Variants in EHMT1 observed in about 807,000 individuals in gnomAD.
EHMT1 encodes euchromatic histone lysine methyltransferase 1, also known as histone-lysine N-methyltransferase EHMT1.
A neutral mutation model predicts 147.2 loss-of-function variants in EHMT1; 15 were observed. The observed-to-expected ratio is 0.10, with a 90% CI of 0.07 to 0.16. The LOEUF is 0.16. Ranked by LOEUF, EHMT1 falls within the 10% of genes least tolerant of loss-of-function variation. EHMT1 has a pLI of 1.00. For missense variants in EHMT1, 1,587 were observed against 1,772.4 expected (o/e 0.90, Z 1.88); for synonymous variants, 795 against 709.6 (o/e 1.12, Z -1.91).
At chr9:137,820,902 G>A (rs923345551) in intron 25 of EHMT1, among the ~76,000 whole-genome samples, 2 of 152,118 alleles carry the variant, frequency 1.3e-5, no homozygotes, top group Non-Finnish European at 2.9e-5. Flanking sequence ...TTTTGAGACG[G>A]AGTCTCGCTC....
At chr9:137,724,987 G>A (rs1946468725) in intron 3 of EHMT1, among the ~76,000 whole-genome samples, 1 of 151,236 alleles carries the variant, frequency 6.6e-6, no homozygotes, top group African/African-American at 2.4e-5. Flanking sequence ...TGGCAGACGT[G>A]TGGCATTAGT....
intron 22 of EHMT1, 165 bp downstream of exon 22, chr9:137,814,673 A>T: frequency 1.3e-6 from 1 of 764,500 alleles, no homozygotes; most frequent in Non-Finnish European, 2.2e-6. Context: ...GGGCACCAGC[A>T]CCCGAGTCAG....
intron 4 of EHMT1, among the ~76,000 whole-genome samples, chr9:137,741,367 G>A (rs1334863489): frequency 6.7e-6 from 1 of 149,748 alleles, no homozygotes; most frequent in Non-Finnish European, 1.5e-5. Flanking sequence ...CTGTTTCCAG[G>A]GGACAGGTAG....
chr9:137,817,942 C>T, intron 24 of EHMT1, 118 bp from the exon 25 acceptor site: 1 of 974,136 alleles, frequency 1.0e-6, no homozygotes, highest in Non-Finnish European at 1.7e-6. Context: ...AACATGTTCC[C>T]TGCATGTTCT....
intron 8 of EHMT1, among the ~76,000 whole-genome samples, chr9:137,755,338 TG>T (rs1437025961): frequency 6.6e-6 from 1 of 152,122 alleles, no homozygotes; most frequent in Non-Finnish European, 1.5e-5. Context: ...TGGAACTGTG[TG>T]GTTGTTTTTC....
intron 25 of EHMT1, among the ~76,000 whole-genome samples, chr9:137,825,845 T>C (rs931142074): frequency 8.5e-5 from 13 of 152,274 alleles, no homozygotes; most frequent in African/African-American, 3.1e-4. Flanking sequence ...CCGGCGGGGC[T>C]GCCCAGTGTC....
intron 1 of EHMT1, among the ~76,000 whole-genome samples, chr9:137,708,292 A>C (rs1944424020): frequency 6.6e-6 from 1 of 152,196 alleles, no homozygotes; most frequent in Non-Finnish European, 1.5e-5. Flanking sequence ...TCTCCCATAG[A>C]CATGTGGTTG....
At chr9:137,687,703 A>G (rs1039094946) in intron 1 of EHMT1, among the ~76,000 whole-genome samples, 2 of 152,256 alleles carry the variant, frequency 1.3e-5, no homozygotes, top group Admixed American at 6.5e-5. Flanking sequence ...ATGGCAGGCC[A>G]TGAGCCCGGA....
chr9:137,787,853 T>C lies in EHMT1; in HGVS notation c.2383-2995T>C, dbSNP rs535313151. 237 of 1,066,460 alleles carry C rather than the reference T, an allele frequency of 2.2e-4. 3 individuals are homozygous for C. In the South Asian group the frequency reaches 2.7e-3, roughly 12 times the overall value. 66.1% of individuals were successfully genotyped at this position (1,066,460 alleles called of 1,614,324 possible). A position where few individuals can be genotyped will look rare whatever the true frequency, so the allele number is the denominator to read the frequency against. On this transcript the variant is annotated intron_variant, in intron 15 of 26. Transcript: ENST00000460843. This position sits in a 1 kb window ranked among gnomAD's most constrained non-coding sequence, Gnocchi z 4.2. ...AGGCAGAGCTGGTTGACGGTGGACA[T>C]TGGGGATAGGAGGTGGGTGGGGGTG...
Position 137,834,842 on chromosome 9 carries a change from G to C in EHMT1, c.3786G>C (p.Lys1262Asn). ...KLFSCRCGSPKCRHSSAALAQ... is the reference protein window; with the variant it reads ...KLFSCRCGSPNCRHSSAALAQ... ...TCAGCTGCCGCTGCGGCTCCCCCAAGTGCCGGCACTCGAGCGCGGCCCTGG... is the reference window on the plus strand; with the variant it reads ...TCAGCTGCCGCTGCGGCTCCCCCAACTGCCGGCACTCGAGCGCGGCCCTGG... Residue 1262 changes from lysine to asparagine, a missense_variant, in exon 27 of 27, where the codon AAG (lysine) becomes AAC (asparagine). Physicochemically the swap from Lys to Asn is moderately conservative, Grantham distance 94 (BLOSUM62 0). Around this residue, in one of 7 missense-constraint regions of EHMT1, gnomAD observed 141 missense variants for 150.8 expected, o/e 0.94. Transcript: ENST00000460843. 9 of 1,612,516 alleles carry C rather than the reference G, an allele frequency of 5.6e-6. No individual in the cohort carries two copies. Among genetic ancestry groups the C allele is most frequent in the Non-Finnish European group, 7.6e-6 (9 of 1,179,638 alleles).
intron 16 of EHMT1, chr9:137,792,040 C>CTT (rs753027973): frequency 2.4e-5 from 9 of 375,092 alleles, no homozygotes; most frequent in Admixed American, 8.9e-5. Context: ...GCGCTAACAG[C>CTT]TTTTTTTTTT....
intron 6 of EHMT1, among the ~76,000 whole-genome samples, chr9:137,748,591 G>A (rs955797272): frequency 3.3e-5 from 5 of 152,298 alleles, no homozygotes; most frequent in African/African-American, 1.2e-4. Context: ...CTTCCCCACC[G>A]CCTCGGAGCA....
chr9:137,759,981 A>T (rs1588564219), intron 9 of EHMT1, among the ~76,000 whole-genome samples: 1 of 151,926 alleles, frequency 6.6e-6, no homozygotes, highest in East Asian at 1.9e-4. Flanking sequence ...GAAGATGAGA[A>T]GTCCTCTCCG....
At chr9:137,821,318 CTTTTTT>C (rs778919891) in intron 25 of EHMT1, among the ~76,000 whole-genome samples, 2 of 63,980 alleles carry the variant, frequency 3.1e-5, no homozygotes, top group Admixed American at 2.7e-4. Context: ...TGCGCCCGGC[CTTTTTT>C]TTTTTTTTTT....
intron 1 of EHMT1, among the ~76,000 whole-genome samples, chr9:137,698,800 A>G (rs565098531): frequency 1.7e-3 from 252 of 152,210 alleles, no homozygotes; most frequent in Non-Finnish European, 2.8e-3. Flanking sequence ...AAATATTTTT[A>G]TGGGCTTGTC....
chr9:137,700,570 G>C (rs1006445320), intron 1 of EHMT1, among the ~76,000 whole-genome samples: 3 of 152,134 alleles, frequency 2.0e-5, no homozygotes, highest in Non-Finnish European at 4.4e-5. Flanking sequence ...TTAGTCCGCT[G>C]TTCTCCTTTC....
intron 1 of EHMT1, chr9:137,646,303 G>A (rs962924843): frequency 1.0e-6 from 1 of 971,286 alleles, no homozygotes; most frequent in Non-Finnish European, 1.2e-6. Context: ...TTAAAATGAT[G>A]TCTGTGGCAT....
At chr9:137,634,031 T>C (rs1425069295) in intron 1 of EHMT1, among the ~76,000 whole-genome samples, 1 of 152,162 alleles carries the variant, frequency 6.6e-6, no homozygotes, top group South Asian at 2.1e-4. Context: ...CAGGCTGGTC[T>C]TGAACTCCTG....
At chr9:137,766,029 A>G (rs1950194962) in intron 10 of EHMT1, among the ~76,000 whole-genome samples, 1 of 152,110 alleles carries the variant, frequency 6.6e-6, no homozygotes, top group African/African-American at 2.4e-5. Flanking sequence ...AGGTCGAGGC[A>G]GAAGGATTGC....
Sources: allele counts gnomAD v4.1 joint callset (sites outside exome capture counted in the v4.1 genomes callset), GRCh38; gene constraint gnomAD v4.1.1; regional missense constraint gnomAD v4.1.1; non-coding constraint Gnocchi (gnomAD v3.1); transcripts MANE v1.5; gene names NCBI Gene and HGNC (gene_info 2026-07-23, HGNC 2026-07-21).